The following ADAM9 variants were observed in gnomAD, a reference collection of about 807,000 sequenced individuals.
The protein encoded by ADAM9 is ADAM metallopeptidase domain 9.
A neutral mutation model predicts 108.1 loss-of-function variants in ADAM9; 54 were observed. The observed-to-expected ratio is 0.50, with a 90% CI of 0.40 to 0.63. The LOEUF is 0.63. Ranked by LOEUF, ADAM9 falls within the 20% of genes least tolerant of loss-of-function variation. The pLI, the probability that ADAM9 is intolerant of heterozygous loss-of-function variation, is 0.00. For missense variants in ADAM9, 830 were observed against 997.7 expected (o/e 0.83, Z 2.26); for synonymous variants, 316 against 336.0 (o/e 0.94, Z 0.65).
chr8:39,026,628 A>G (rs1385475711), intron 10 of ADAM9, 49 bp from the exon 11 acceptor site: 4 of 1,613,482 alleles, frequency 2.5e-6, no homozygotes, highest in Non-Finnish European at 2.5e-6. Flanking sequence ...GCAGCAAAAC[A>G]TTTTCTTTGC....
intron 14 of ADAM9, among the ~76,000 whole-genome samples, chr8:39,063,145 A>G (rs145550928): frequency 3.9e-4 from 59 of 152,208 alleles, no homozygotes; most frequent in African/African-American, 1.4e-3. Context: ...ATTCCCACAC[A>G]TGTTCCCTGG....
rs547663363 is a variant in ADAM9, at chr8:39,094,597, C to T, written c.2298+3251C>T. The stretch of plus-strand genomic sequence containing the variant: ...CTTTTTAAAGTTACTAATTCAATCT[C>T]CTTACTTATTATTGATCTTTTCAGA... On this transcript the variant is annotated intron_variant, in intron 20 of 21. Transcript: ENST00000487273. Among the ~76,000 whole-genome samples, 15 of 152,116 alleles carry T rather than the reference C, an allele frequency of 9.9e-5. No homozygotes were observed. The South Asian group carries it at 2.7e-3, about 27-fold the overall frequency.
chr8:39,016,140 A>G lies in ADAM9; in HGVS notation c.356A>G (p.Tyr119Cys), dbSNP rs376349029. The G allele has an allele frequency of 2.9e-5, 47 of 1,613,648 alleles. No homozygotes were observed. The highest frequency in any genetic ancestry group is 1.8e-4 in the East Asian group (8 of 44,854). The part of the protein sequence containing the change: ...NIQNHCHYRG[Y>C]VEGVHNSSIA... ...TAGAATCATTGTCATTATCGGGGCTATGTGGAGGGAGTTCATAATTCATCC... is the reference window on the plus strand; with the variant it reads ...TAGAATCATTGTCATTATCGGGGCTGTGTGGAGGGAGTTCATAATTCATCC... The change falls in exon 5 of 22, where the codon TAT becomes TGT. Residue 119 changes from tyrosine to cysteine, a missense_variant. Tyr to Cys is a radical substitution (Grantham distance 194). Transcript: ENST00000487273.
At chr8:39,009,519 A>G (rs1836276174) in intron 2 of ADAM9, among the ~76,000 whole-genome samples, 1 of 152,220 alleles carries the variant, frequency 6.6e-6, no homozygotes, top group Non-Finnish European at 1.5e-5. Flanking sequence ...GATTACAGGC[A>G]TGAGCCACCT....
intron 1 of ADAM9, among the ~76,000 whole-genome samples, chr8:38,998,281 A>G (rs1258308185): frequency 6.6e-6 from 1 of 152,190 alleles, no homozygotes; most frequent in Non-Finnish European, 1.5e-5. Context: ...TTTGAATGGG[A>G]AGTTGCCAAA....
chr8:38,997,550 A>T (rs754893698), intron 1 of ADAM9, among the ~76,000 whole-genome samples: 5 of 152,172 alleles, frequency 3.3e-5, no homozygotes, highest in Non-Finnish European at 7.4e-5. Context: ...TCAGTCCTCC[A>T]AACGCCTGCA....
At position 39,055,585 on chromosome 8, in the gene ADAM9, A is replaced by G; in HGVS notation, c.1404A>G (p.Pro468=). The change falls in exon 14 of 22, where the codon CCA becomes CCG. Residue 468 remains proline, a synonymous_variant. Transcript: ENST00000487273. The part of the protein sequence containing the change: ...GDCCKDCRFL[P]GGTLCRGKTS... ...GAATTCTATTTCACTAGTTCCTTCC[A>G]GGAGGTACTTTATGCCGAGGAAAAA... 6.2e-7 allele frequency: 1 copy of G among 1,613,602 alleles called. No individual in the cohort carries two copies. The highest frequency in any genetic ancestry group is 8.5e-7 in the Non-Finnish European group (1 of 1,179,636).
At chr8:39,090,297 C>A in intron 19 of ADAM9, 109 bp downstream of exon 19, 2 of 944,774 alleles carry the variant, frequency 2.1e-6, no homozygotes, top group Non-Finnish European at 3.2e-6. Flanking sequence ...CTCAGCCTTC[C>A]AAGTAGTTGG....
intron 5 of ADAM9, 181 bp from the exon 6 acceptor site, chr8:39,017,038 T>C: frequency 1.6e-6 from 1 of 641,856 alleles, no homozygotes; most frequent in South Asian, 2.0e-5. Flanking sequence ...AAGTAGCTAT[T>C]TGAGCTTTCA....
At chr8:39,102,487 TC>T (rs1379556724) in intron 21 of ADAM9, among the ~76,000 whole-genome samples, 1 of 152,082 alleles carries the variant, frequency 6.6e-6, no homozygotes, top group Non-Finnish European at 1.5e-5. Context: ...AAATTTAGAA[TC>T]CTGCCAAAGA....
At chr8:39,086,633 T>A (rs1839189200) in intron 18 of ADAM9, among the ~76,000 whole-genome samples, 1 of 152,232 alleles carries the variant, frequency 6.6e-6, no homozygotes. Flanking sequence ...TTCCCTCTTT[T>A]ATTTTCTGTA....
At chr8:39,086,435 G>GT (rs1432343630) in intron 18 of ADAM9, among the ~76,000 whole-genome samples, 1 of 152,000 alleles carries the variant, frequency 6.6e-6, no homozygotes, top group Non-Finnish European at 1.5e-5. Flanking sequence ...GATCTAGTGT[G>GT]TTTTTCATTT....
Position 39,035,804 on chromosome 8 carries a change from G to T in ADAM9, c.1131-6142G>T, listed in dbSNP as rs142217846. ...TGCATTCCAGCCTGGGTGACAGAGC[G>T]AGACTCTGTCTCAAAACAAAACAAA... On this transcript the variant is annotated intron_variant, in intron 11 of 21. Coordinates refer to ENST00000487273, the MANE Select transcript of ADAM9 (RefSeq NM_003816.3). Among the ~76,000 whole-genome samples, 1,093 of 152,050 alleles carry T rather than the reference G, an allele frequency of 7.2e-3. 12 individuals are homozygous for T. Among genetic ancestry groups the T allele is most frequent in the African/African-American group, 0.024 (1,013 of 41,448 alleles).
chr8:39,023,062 T>G, intron 8 of ADAM9, 94 bp from the exon 9 acceptor site: 1 of 1,167,034 alleles, frequency 8.6e-7, no homozygotes, highest in South Asian at 1.5e-5. Context: ...GGCAGGGGAG[T>G]TTTAATTTAA....
At chr8:39,047,774 TTTTG>T (rs1433863888) in intron 12 of ADAM9, among the ~76,000 whole-genome samples, 2 of 152,148 alleles carry the variant, frequency 1.3e-5, no homozygotes, top group African/African-American at 4.8e-5. Flanking sequence ...CTAGTCTCAA[TTTTG>T]TTTATTTCTG....
At chr8:39,058,211 C>T (rs1024068092) in intron 14 of ADAM9, among the ~76,000 whole-genome samples, 5 of 152,146 alleles carry the variant, frequency 3.3e-5, no homozygotes, top group African/African-American at 1.2e-4. Context: ...GGAATGAGAA[C>T]ATATTTGCTC....
chr8:39,032,323 C>T (rs73602714), intron 11 of ADAM9, among the ~76,000 whole-genome samples: 274 of 152,392 alleles, frequency 1.8e-3, no homozygotes, highest in African/African-American at 6.2e-3. Context: ...GTGGTGGGCT[C>T]CGCCCAGTTG....
At chr8:39,071,225 A>G (rs1838677201) in intron 14 of ADAM9, 73 bp from the exon 15 acceptor site, 1 of 1,408,224 alleles carries the variant, frequency 7.1e-7, no homozygotes, top group East Asian at 2.4e-5. Context: ...AGACTGTTGT[A>G]GGGAATACTT....
chr8:39,020,061 G>A (rs1352595517), intron 7 of ADAM9, among the ~76,000 whole-genome samples: 1 of 152,182 alleles, frequency 6.6e-6, no homozygotes, highest in Non-Finnish European at 1.5e-5. Context: ...CGAGGCGGGC[G>A]GATCACGAGA....
Sources: gnomAD v4.1 joint callset for allele counts (sites outside exome capture counted in the v4.1 genomes callset) on GRCh38, gnomAD v4.1.1 for gene constraint, MANE v1.5 for transcripts, NCBI Gene and HGNC (gene_info 2026-07-23, HGNC 2026-07-21) for gene names.